Variants in C12orf43 observed in about 807,000 individuals in gnomAD.
The protein encoded by C12orf43 is protein CUSTOS.
C12orf43 carries 15 observed loss-of-function variants against 20.6 expected under a neutral mutation model. The ratio of observed to expected loss-of-function variants is 0.73; its 90% CI spans 0.49 to 1.12. The LOEUF is 1.12. Among genes scored for constraint, C12orf43 ranks in the 50% most tolerant of loss-of-function variants. The probability of loss-of-function intolerance (pLI) is 0.00; values close to 1 mark genes in which losing one functional copy is unlikely to be tolerated. For missense variants in C12orf43, 334 were observed against 344.4 expected (o/e 0.97, Z 0.24); for synonymous variants, 144 against 130.8 (o/e 1.10, Z -0.69).
chr12:121,009,426 A>C (rs1024536101), intron 3 of C12orf43, among the ~76,000 whole-genome samples: 2 of 152,260 alleles, frequency 1.3e-5, no homozygotes, highest in African/African-American at 2.4e-5. Context: ...ACTGTGCTCC[A>C]GAGGGAGACT....
At position 121,000,919 on chromosome 12, in the gene C12orf43, T is replaced by A; in HGVS notation, c.*3234A>T. 8.8e-7 allele frequency: 1 copy of A among 1,130,106 alleles called. No individual in the cohort carries two copies. The highest frequency in any genetic ancestry group is 1.3e-5 in the South Asian group (1 of 77,000). 70.0% of individuals were successfully genotyped at this position (1,130,106 alleles called of 1,614,324 possible). ...GAGGCTCCCTTTGAAGAACCGAGGGTAGAGGTGTGACTTTGGGGTTCCTGT... is the reference window on the plus strand; with the variant it reads ...GAGGCTCCCTTTGAAGAACCGAGGGAAGAGGTGTGACTTTGGGGTTCCTGT... On this transcript the variant is annotated 3_prime_UTR_variant, in exon 6 of 6. Coordinates refer to ENST00000288757, the MANE Select transcript of C12orf43 (RefSeq NM_022895.3).
chr12:121,008,981 C>G (rs780404281), intron 3 of C12orf43, among the ~76,000 whole-genome samples: 16 of 152,250 alleles, frequency 1.1e-4, no homozygotes, highest in Non-Finnish European at 2.2e-4. Flanking sequence ...CAGGAATTCT[C>G]AGAGCCTTGA....
At chr12:121,012,858 A>AAAAAAAAAAAAAAAAAC (rs1868519644) in intron 1 of C12orf43, among the ~76,000 whole-genome samples, 1 of 80,360 alleles carries the variant, frequency 1.2e-5, no homozygotes, top group Admixed American at 1.6e-4. Flanking sequence ...CTAAAAAAAA[A>AAAAAAAAAAAAAAAAAC]AAAAAAAAAA....
At chr12:121,009,041 T>C (rs1179683231) in intron 3 of C12orf43, among the ~76,000 whole-genome samples, 1 of 152,230 alleles carries the variant, frequency 6.6e-6, no homozygotes, top group Non-Finnish European at 1.5e-5. Context: ...GGTATGTAGA[T>C]TGCAGTGTTT....
At position 121,005,170 on chromosome 12, in the gene C12orf43, A is replaced by G; in HGVS notation, c.362-77T>C. 1.2e-6 allele frequency: 1 copy of G among 839,290 alleles called. No individual in the cohort carries two copies. The highest frequency in any genetic ancestry group is 1.6e-6 in the Non-Finnish European group (1 of 615,848). 52.0% of individuals were successfully genotyped at this position (839,290 alleles called of 1,614,324 possible). On this transcript the variant is annotated intron_variant, in intron 4 of 5. Coordinates refer to ENST00000288757, the MANE Select transcript of C12orf43 (RefSeq NM_022895.3). This position sits in a 1 kb window ranked among gnomAD's most constrained non-coding sequence, Gnocchi z 5.6. ...ACATAAAAAAATAAAAAATAAAGAAACAAAAAAGAAAAAAATTTTAAAAAG... is the reference window on the plus strand; with the variant it reads ...ACATAAAAAAATAAAAAATAAAGAAGCAAAAAAGAAAAAAATTTTAAAAAG...
rs942265093 is a variant in C12orf43, at chr12:121,000,609, A to C, written c.*3544T>G. The C allele has an allele frequency of 4.2e-6, 1 of 235,756 alleles. No individual in the cohort carries two copies. The highest frequency in any genetic ancestry group is 8.5e-6 in the Non-Finnish European group (1 of 118,090). 14.6% of individuals were successfully genotyped at this position (235,756 alleles called of 1,614,324 possible). On this transcript the variant is annotated 3_prime_UTR_variant, in exon 6 of 6. Coordinates refer to ENST00000288757, the MANE Select transcript of C12orf43 (RefSeq NM_022895.3). ...AGTGAATTCTGCAGCCTTGAGGCAG[A>C]ATTCCTTCTCTGGGAAACCGGTTTT...
rs78281545 is a variant in C12orf43, at chr12:121,004,100, G to A, written c.*53C>T. 5.0e-5 allele frequency: 77 copies of A among 1,553,044 alleles called. No homozygotes were observed. The highest frequency in any genetic ancestry group is 1.7e-4 in the Middle Eastern group (1 of 5,964). On this transcript the variant is annotated 3_prime_UTR_variant, in exon 6 of 6. Coordinates refer to ENST00000288757, the MANE Select transcript of C12orf43 (RefSeq NM_022895.3). The surrounding 1 kb of genome is among the most constrained non-coding windows in gnomAD (Gnocchi z 5.6). ...CTTGGAAATGCCTTGTCCCCAGGGT[G>A]GGGGGGACACCTTGTCCTTGGAGCT...
In C12orf43 at chr12:121,004,979, G is replaced by GT. The variant is rs1877865184; in HGVS notation, c.452+23dup. ...AGAAGAGGAGAAAAAAGGAGGGGAC[G>GT]TGAGGAGAGGTGTGAGTTCTCACCT... is the stretch of plus-strand genomic sequence containing the variant. On this transcript the variant is annotated intron_variant, in intron 5 of 5. Coordinates refer to ENST00000288757, the MANE Select transcript of C12orf43 (RefSeq NM_022895.3). This position sits in a 1 kb window ranked among gnomAD's most constrained non-coding sequence, Gnocchi z 5.6. 6.7e-7 allele frequency: 1 copy of GT among 1,494,312 alleles called. No individual in the cohort carries two copies. The highest frequency in any genetic ancestry group is 1.4e-5 in the African/African-American group (1 of 70,160). The allele number at this position is 1,494,312 out of a possible 1,614,324, so 92.6% of individuals were successfully genotyped here.
chr12:121,009,740 C>T (rs1878303675), intron 3 of C12orf43, among the ~76,000 whole-genome samples: 4 of 152,140 alleles, frequency 2.6e-5, no homozygotes, highest in Admixed American at 2.6e-4. Flanking sequence ...TATAAGCTAC[C>T]CAGTTTATGT....
Position 121,002,389 on chromosome 12 carries a change from C to T in C12orf43, c.*1764G>A, listed in dbSNP as rs1020423529. 3.1e-5 allele frequency: 16 copies of T among 524,184 alleles called. No homozygotes were observed. Among genetic ancestry groups the T allele is most frequent in the African/African-American group, 1.3e-4 (7 of 53,286 alleles). The allele number at this position is 524,184 out of a possible 1,614,324, so 32.5% of individuals were successfully genotyped here. On this transcript the variant is annotated 3_prime_UTR_variant, in exon 6 of 6. Transcript: ENST00000288757. ...TGAGAACCTGGCCTTCAGTGTACCGCGTCTACCCTGGGATTCAGGAAAAGG... is the reference window on the plus strand; with the variant it reads ...TGAGAACCTGGCCTTCAGTGTACCGTGTCTACCCTGGGATTCAGGAAAAGG...
intron 3 of C12orf43, chr12:121,006,614 T>G: frequency 1.9e-6 from 1 of 528,242 alleles, no homozygotes; most frequent in South Asian, 2.1e-5. Context: ...TTTATTCCAG[T>G]AAGTGTTGAA....
Position 121,004,887 on chromosome 12 carries a change from C to T in C12orf43, c.452+116G>A. The T allele has an allele frequency of 1.4e-6, 1 of 695,874 alleles. No homozygotes were observed. Among genetic ancestry groups the T allele is most frequent in the South Asian group, 3.7e-5 (1 of 27,278 alleles). The allele number at this position is 695,874 out of a possible 1,614,324, so 43.1% of individuals were successfully genotyped here. On this transcript the variant is annotated intron_variant, in intron 5 of 5. Transcript: ENST00000288757. The surrounding 1 kb of genome is among the most constrained non-coding windows in gnomAD (Gnocchi z 5.6). ...GCTCATGATTTCTCCAGCTGCCTGA[C>T]AGGGCCACTGCCTTGGCCTGGTCCT...
At chr12:121,008,025 TG>T in intron 3 of C12orf43, among the ~76,000 whole-genome samples, 1 of 240 alleles carries the variant, frequency 4.2e-3, no homozygotes, top group East Asian at 0.17. Context: ...CATCCTATAA[TG>T]GGAAGAAGAA....
Position 121,004,344 on chromosome 12 carries a change from C to G in C12orf43, c.598G>C (p.Val200Leu). ...GCGACAGCCGAGTCGACACTGGCCA[C>G]CTTCTTGGCTTTCTTTTTCAACTTC... ...KRKLKKKAKKVASVDSAVAAT... is the reference protein window; with the variant it reads ...KRKLKKKAKKLASVDSAVAAT... The change falls in exon 6 of 6, where the codon GTG (valine) becomes CTG (leucine). Residue 200 changes from valine to leucine, a missense_variant. By Grantham distance (32) the Val-to-Leu change is conservative. Coordinates refer to ENST00000288757, the MANE Select transcript of C12orf43 (RefSeq NM_022895.3). The surrounding 1 kb of genome is among the most constrained non-coding windows in gnomAD (Gnocchi z 5.6). 1.9e-6 allele frequency: 3 copies of G among 1,614,192 alleles called. No individual in the cohort carries two copies. Among genetic ancestry groups the G allele is most frequent in the Non-Finnish European group, 1.7e-6 (2 of 1,180,032 alleles).
At chr12:121,012,431 T>A (rs1478033666) in intron 1 of C12orf43, 1 of 702,600 alleles carries the variant, frequency 1.4e-6, no homozygotes, top group Non-Finnish European at 2.6e-6. Flanking sequence ...TAAACTGACC[T>A]GGGTTTTGAC....
rs748846450 is a variant in C12orf43, at chr12:121,002,451, A to T, written c.*1702T>A. 1 of 529,886 alleles carries T rather than the reference A, an allele frequency of 1.9e-6. No individual in the cohort carries two copies. The allele number at this position is 529,886 out of a possible 1,614,324, so 32.8% of individuals were successfully genotyped here. A position where few individuals can be genotyped will look rare whatever the true frequency, so the allele number is the denominator to read the frequency against. ...CCGGCACCCCCTGCAGCTTGTAGCC[A>T]GCCGGGGCGAGTGGCACGTTTATTT... On this transcript the variant is annotated 3_prime_UTR_variant, in exon 6 of 6. Transcript: ENST00000288757.
At position 121,010,905 on chromosome 12, in the gene C12orf43, T is replaced by C. The variant is rs1878403762; in HGVS notation, c.210A>G (p.Glu70=). The C allele has an allele frequency of 6.2e-7, 1 of 1,614,154 alleles. No homozygotes were observed. Among genetic ancestry groups the C allele is most frequent in the East Asian group, 2.2e-5 (1 of 44,888 alleles). Residue 70 remains glutamate, a synonymous_variant, in exon 3 of 6, where the codon GAA becomes GAG. Coordinates refer to ENST00000288757, the MANE Select transcript of C12orf43 (RefSeq NM_022895.3). ...TGGTCTGAAGCTCGTTGCCATCTTG[T>C]TCATGCTCATTCACCTTATGCCTAC... is the stretch of plus-strand genomic sequence containing the variant. ...PSLRHKVNEH[E]QDGNELQTTP...
Position 121,006,316 on chromosome 12 carries a change from C to T in C12orf43, c.361+5G>A. The T allele has an allele frequency of 6.2e-7, 1 of 1,611,892 alleles. No individual in the cohort carries two copies. Among genetic ancestry groups the T allele is most frequent in the East Asian group, 2.2e-5 (1 of 44,858 alleles). On this transcript the variant is annotated splice_donor_5th_base_variant and intron_variant, in intron 4 of 5. Transcript: ENST00000288757. ...TGATAGCTTCTATTAAGTATAACCA[C>T]TCACCATCATCCTCCAAAGCGACTT...
chr12:121,016,363 G>C lies in C12orf43; in HGVS notation c.112C>G (p.Gln38Glu). 2 of 1,613,734 alleles carry C rather than the reference G, an allele frequency of 1.2e-6. No individual in the cohort carries two copies. Among genetic ancestry groups the C allele is most frequent in the South Asian group, 2.2e-5 (2 of 91,084 alleles). Reference sequence around the variant, plus strand: ...GGCTTCCCTGCCACGTGCGGGCGTTGCTCCAAGCCCCAAGCCGGCATTGCC... The same window carrying C: ...GGCTTCCCTGCCACGTGCGGGCGTTCCTCCAAGCCCCAAGCCGGCATTGCC... ...EAAMPAWGLE[Q>E]RPHVAGKPRA... The change falls in exon 1 of 6, where the codon CAA becomes GAA. Residue 38 changes from glutamine to glutamate, a missense_variant. Transcript: ENST00000288757.
Sources: gnomAD v4.1 joint callset for allele counts (sites outside exome capture counted in the v4.1 genomes callset) on GRCh38, gnomAD v4.1.1 for gene constraint, Gnocchi (gnomAD v3.1) non-coding constraint, MANE v1.5 for transcripts, NCBI Gene and HGNC (gene_info 2026-07-23, HGNC 2026-07-21) for gene names.